EIF4E3: variants seen among roughly 807,000 people sequenced by gnomAD.
EIF4E3 encodes the protein eukaryotic translation initiation factor 4E type 3.
EIF4E3 carries 26 observed loss-of-function variants against 31.7 expected under a neutral mutation model. That is an observed-to-expected ratio of 0.82 (90% CI 0.60 to 1.14). EIF4E3 has a LOEUF of 1.14. Among genes scored for constraint, EIF4E3 ranks in the 50% most tolerant of loss-of-function variants. The pLI is 0.00. For synonymous variants in EIF4E3, 128 were observed against 107.7 expected, an observed-to-expected ratio of 1.19 and a Z score of -1.17; for missense variants, 304 against 270.9, an observed-to-expected ratio of 1.12 and a Z score of -0.86.
intron 1 of EIF4E3, among the ~76,000 whole-genome samples, chr3:71,712,448 ACT>A (rs948720358): frequency 1.3e-5 from 2 of 151,980 alleles, no homozygotes; most frequent in Non-Finnish European, 2.9e-5. Flanking sequence ...AAACTTCAAA[ACT>A]CTTAAACTTT....
chr3:71,682,799 ATGC>A lies in EIF4E3; in HGVS notation c.*1880_*1882del, dbSNP rs2108001408. Reference sequence around the variant, plus strand: ...GCAAAAGTTGAACATGTCATCACAAATGCTTTAAATAAAGTTCAAAAAATAAAA... The same window carrying A: ...GCAAAAGTTGAACATGTCATCACAAATTTAAATAAAGTTCAAAAAATAAAA... On this transcript the variant is annotated 3_prime_UTR_variant, in exon 7 of 7. Coordinates refer to ENST00000425534, the MANE Select transcript of EIF4E3 (RefSeq NM_001134651.2). 1 of 152,684 alleles carries A rather than the reference ATGC, an allele frequency of 6.5e-6. No homozygotes were observed. Among genetic ancestry groups the A allele is most frequent in the East Asian group, 1.9e-4 (1 of 5,188 alleles). The allele number at this position is 152,684 out of a possible 1,614,324, so 9.5% of individuals were successfully genotyped here.
At chr3:71,665,583 G>C in the EIF4E3 span, among the ~76,000 whole-genome samples, 1 of 152,142 alleles carries the variant, frequency 6.6e-6, no homozygotes, top group Non-Finnish European at 1.5e-5. Context: ...AACTGGAGCT[G>C]CCTTCTGGAC....
chr3:71,684,895 G>A (rs970292345), intron 6 of EIF4E3, among the ~76,000 whole-genome samples, 167 bp from the exon 7 acceptor site: 1 of 152,118 alleles, frequency 6.6e-6, no homozygotes, highest in African/African-American at 2.4e-5. Context: ...TAGCTAAGGC[G>A]TGCATTTCCT....
intron 2 of EIF4E3, among the ~76,000 whole-genome samples, chr3:71,706,399 T>C (rs1378391505): frequency 6.6e-6 from 1 of 152,224 alleles, no homozygotes; most frequent in Non-Finnish European, 1.5e-5. Flanking sequence ...AAAAGACTCA[T>C]ATGTCTTTAA....
intron 1 of EIF4E3, among the ~76,000 whole-genome samples, chr3:71,735,248 G>A (rs535572963): frequency 6.6e-6 from 1 of 152,126 alleles, no homozygotes; most frequent in African/African-American, 2.4e-5. Flanking sequence ...TTTTACATAG[G>A]AGTACACAGG....
At chr3:71,670,980 G>A (rs967032446), downstream of EIF4E3, among the ~76,000 whole-genome samples, 1 of 152,076 alleles carries the variant, frequency 6.6e-6, no homozygotes, top group Non-Finnish European at 1.5e-5. Flanking sequence ...AATCCCCCAA[G>A]CGCGGAGAAT....
chr3:71,718,598 C>T (rs2049500470), intron 1 of EIF4E3, among the ~76,000 whole-genome samples: 1 of 152,206 alleles, frequency 6.6e-6, no homozygotes, highest in Non-Finnish European at 1.5e-5. Context: ...ATTCCCATGA[C>T]AGATCACTAA....
At chr3:71,711,703 G>A (rs1036807960) in intron 1 of EIF4E3, among the ~76,000 whole-genome samples, 4 of 152,172 alleles carry the variant, frequency 2.6e-5, no homozygotes, top group East Asian at 1.9e-4. Flanking sequence ...CTGGCCAGCC[G>A]CTGTGGCTCA....
rs1410704786 is a variant in EIF4E3, at chr3:71,682,804, TTAAA to T, written c.*1874_*1877del. 12 of 152,498 alleles carry T rather than the reference TTAAA, an allele frequency of 7.9e-5. No individual in the cohort carries two copies. The highest frequency in any genetic ancestry group is 2.9e-4 in the African/African-American group (12 of 41,324). The allele number at this position is 152,498 out of a possible 1,614,324, so 9.4% of individuals were successfully genotyped here. A position where few individuals can be genotyped will look rare whatever the true frequency, so the allele number is the denominator to read the frequency against. On this transcript the variant is annotated 3_prime_UTR_variant, in exon 7 of 7. Transcript: ENST00000425534. ...AGTTGAACATGTCATCACAAATGCTTTAAATAAAGTTCAAAAAATAAAAATACTT... is the reference window on the plus strand; with the variant it reads ...AGTTGAACATGTCATCACAAATGCTTTAAAGTTCAAAAAATAAAAATACTT...
At chr3:71,668,271 G>A in the EIF4E3 span, among the ~76,000 whole-genome samples, 2 of 152,104 alleles carry the variant, frequency 1.3e-5, no homozygotes, top group African/African-American at 2.4e-5. Context: ...GATTAAAGAT[G>A]TAAACGTAAG....
chr3:71,676,194 A>G lies in EIF4E3; in HGVS notation c.*8488T>C, dbSNP rs1211763041. 1 of 152,202 alleles carries G rather than the reference A, an allele frequency of 6.6e-6. No individual in the cohort carries two copies. Among genetic ancestry groups the G allele is most frequent in the African/African-American group, 2.4e-5 (1 of 41,446 alleles). 9.4% of individuals were successfully genotyped at this position (152,202 alleles called of 1,614,324 possible). On this transcript the variant is annotated 3_prime_UTR_variant, in exon 7 of 7. Transcript: ENST00000425534. ...CACTCATCATTTAAAAGACTTACAA[A>G]TAAGTTTTCTGAACCAACGTTCATA...
chr3:71,720,573 C>T (rs568627207), intron 1 of EIF4E3, among the ~76,000 whole-genome samples: 27 of 152,260 alleles, frequency 1.8e-4, no homozygotes, highest in South Asian at 8.3e-4. Context: ...TGGTGGAGAT[C>T]CAGAATCCCT....
chr3:71,680,568 GATGT>G lies in EIF4E3; in HGVS notation c.*4110_*4113del, dbSNP rs1193083330. 6.6e-6 allele frequency: 1 copy of G among 152,152 alleles called. No homozygotes were observed. The allele number at this position is 152,152 out of a possible 1,614,324, so 9.4% of individuals were successfully genotyped here. A position where few individuals can be genotyped will look rare whatever the true frequency, so the allele number is the denominator to read the frequency against. ...ATCTGAATAAGTATTCTTAGATTTG[GATGT>G]ATATGTAAAAATAATAGAAAATAAA... On this transcript the variant is annotated 3_prime_UTR_variant, in exon 7 of 7. Coordinates refer to ENST00000425534, the MANE Select transcript of EIF4E3 (RefSeq NM_001134651.2).
rs2048933104 is a variant in EIF4E3, at chr3:71,682,265, T to C, written c.*2417A>G. ...AAAAGCAAGCTCTTTGGTTTCTGCA[T>C]GGTTCTTTGCAGACTACAAGGCTGC... On this transcript the variant is annotated 3_prime_UTR_variant, in exon 7 of 7. Transcript: ENST00000425534. 6.6e-6 allele frequency: 1 copy of C among 152,260 alleles called. No homozygotes were observed. Among genetic ancestry groups the C allele is most frequent in the Admixed American group, 6.5e-5 (1 of 15,288 alleles). 9.4% of individuals were successfully genotyped at this position (152,260 alleles called of 1,614,324 possible). A position where few individuals can be genotyped will look rare whatever the true frequency, so the allele number is the denominator to read the frequency against.
intron 1 of EIF4E3, among the ~76,000 whole-genome samples, chr3:71,748,652 T>C (rs2049896948): frequency 6.6e-6 from 1 of 152,118 alleles, no homozygotes; most frequent in Admixed American, 6.6e-5. Context: ...CACGATGGCT[T>C]GGAAGAACAG....
chr3:71,750,082 C>T (rs963137071), intron 1 of EIF4E3, among the ~76,000 whole-genome samples: 2 of 152,014 alleles, frequency 1.3e-5, no homozygotes, highest in African/African-American at 2.4e-5. Flanking sequence ...CATTTTGCAC[C>T]GTAGATAGAA....
rs76683839 is a variant in EIF4E3, at chr3:71,675,434, T to A, written c.*9248A>T. The A allele has an allele frequency of 1.1e-3, 161 of 152,360 alleles. No individual in the cohort carries two copies. Among genetic ancestry groups the A allele is most frequent in the African/African-American group, 3.6e-3 (148 of 41,584 alleles). The allele number at this position is 152,360 out of a possible 1,614,324, so 9.4% of individuals were successfully genotyped here. On this transcript the variant is annotated 3_prime_UTR_variant, in exon 7 of 7. Transcript: ENST00000425534. ...CAAGCTTCAGATATAAATTTTTTAA[T>A]TCCCAGTTAAAACCTTGAGAAAATA...
chr3:71,743,016 A>G (rs2049835276), intron 1 of EIF4E3, among the ~76,000 whole-genome samples: 1 of 152,204 alleles, frequency 6.6e-6, no homozygotes. Flanking sequence ...ATAGGCGCCT[A>G]TAAAAATCCA....
At chr3:71,719,943 G>C (rs1409327090) in intron 1 of EIF4E3, among the ~76,000 whole-genome samples, 1 of 152,046 alleles carries the variant, frequency 6.6e-6, no homozygotes, top group Non-Finnish European at 1.5e-5. Flanking sequence ...GAGCCCAGGA[G>C]GTAGAAGCTA....
Sources: gnomAD v4.1 joint callset for allele counts (sites outside exome capture counted in the v4.1 genomes callset) on GRCh38, gnomAD v4.1.1 for gene constraint, MANE v1.5 for transcripts, NCBI Gene and HGNC (gene_info 2026-07-23, HGNC 2026-07-21) for gene names.